Variants in GRIN2A observed in about 807,000 individuals in gnomAD.
The protein encoded by GRIN2A is glutamate ionotropic receptor NMDA type subunit 2A.
In GRIN2A, 22 loss-of-function variants were observed where a neutral mutation model predicts 113.4. The observed-to-expected ratio is 0.19, with a 90% CI of 0.14 to 0.28. The LOEUF (loss-of-function observed/expected upper bound fraction) is 0.28. Ranked by LOEUF, GRIN2A falls within the 10% of genes least tolerant of loss-of-function variation. The probability of loss-of-function intolerance (pLI) is 1.00; values close to 1 mark genes in which losing one functional copy is unlikely to be tolerated. For missense variants in GRIN2A, 1,502 were observed against 1,887.0 expected (o/e 0.80, Z 3.78); for synonymous variants, 827 against 738.4 (o/e 1.12, Z -1.94).
intron 11 of GRIN2A, among the ~76,000 whole-genome samples, chr16:9,785,194 G>A (rs1353196153): frequency 2.0e-5 from 3 of 151,968 alleles, no homozygotes; most frequent in African/African-American, 7.3e-5. Flanking sequence ...CAACCTAAAT[G>A]TCCAACAATG....
At chr16:10,081,354 CTA>C (rs1472515836) in intron 2 of GRIN2A, among the ~76,000 whole-genome samples, 1 of 152,224 alleles carries the variant, frequency 6.6e-6, no homozygotes, top group Non-Finnish European at 1.5e-5. Flanking sequence ...GCTTGTGCTT[CTA>C]AGTTCTGCTC....
At chr16:9,972,831 G>C (rs1353437803) in intron 2 of GRIN2A, among the ~76,000 whole-genome samples, 2 of 152,202 alleles carry the variant, frequency 1.3e-5, no homozygotes, top group Non-Finnish European at 2.9e-5. Context: ...AATTGCAATA[G>C]AGAAAGAGTA....
intron 2 of GRIN2A, among the ~76,000 whole-genome samples, chr16:10,071,486 C>G (rs951790012): frequency 7.2e-5 from 11 of 152,192 alleles, no homozygotes; most frequent in African/African-American, 2.7e-4. Flanking sequence ...ATGTAAGTCC[C>G]TTCTTCACCC....
At chr16:10,137,522 T>G (rs1173157256) in intron 2 of GRIN2A, among the ~76,000 whole-genome samples, 1 of 152,182 alleles carries the variant, frequency 6.6e-6, no homozygotes, top group East Asian at 1.9e-4. Flanking sequence ...CTTCCTTAGC[T>G]ACTTACAAAA....
Position 10,180,072 on chromosome 16 carries a change from C to G in GRIN2A, c.340G>C (p.Asp114His), listed in dbSNP as rs2142388108. ...ACGAAGGTGTGGGAGGAGATAAAATCCAGCATCTGGGCTACGGCCTCCTGG... is the reference window on the plus strand; with the variant it reads ...ACGAAGGTGTGGGAGGAGATAAAATGCAGCATCTGGGCTACGGCCTCCTGG... ...TDQEAVAQML[D>H]FISSHTFVPI... Residue 114 changes from aspartate to histidine, a missense_variant, in exon 2 of 13, where the codon GAT becomes CAT. This residue lies in a region of GRIN2A where 149 missense variants were observed against 179.1 expected (regional missense o/e 0.83). Transcript: ENST00000330684. This position sits in a 1 kb window ranked among gnomAD's most constrained non-coding sequence, Gnocchi z 7.0. The G allele has an allele frequency of 6.2e-7, 1 of 1,614,168 alleles. No homozygotes were observed. Among genetic ancestry groups the G allele is most frequent in the East Asian group, 2.2e-5 (1 of 44,876 alleles).
chr16:10,076,041 A>T (rs1018226484), intron 2 of GRIN2A, among the ~76,000 whole-genome samples: 1 of 152,096 alleles, frequency 6.6e-6, no homozygotes, highest in Non-Finnish European at 1.5e-5. Flanking sequence ...AAGAGTGAAA[A>T]ATGCGCCCAT....
chr16:9,784,565 G>A (rs1210495979), intron 11 of GRIN2A, among the ~76,000 whole-genome samples: 4 of 151,960 alleles, frequency 2.6e-5, no homozygotes, highest in Non-Finnish European at 5.9e-5. Context: ...AAAAGCAATG[G>A]CAACAAAAGC....
At chr16:10,112,217 G>A (rs997067035) in intron 2 of GRIN2A, 44 of 599,854 alleles carry the variant, frequency 7.3e-5, no homozygotes, top group South Asian at 3.9e-4. Flanking sequence ...AAGGGAACTC[G>A]GTGTATCAAA....
chr16:9,775,479 C>G (rs1046844364), intron 11 of GRIN2A, among the ~76,000 whole-genome samples: 7 of 152,150 alleles, frequency 4.6e-5, no homozygotes, highest in African/African-American at 1.4e-4. Context: ...AGTCTTTGGC[C>G]TCTAAGAGCT....
At chr16:9,811,954 T>C (rs1156872990) in intron 10 of GRIN2A, among the ~76,000 whole-genome samples, 1 of 152,112 alleles carries the variant, frequency 6.6e-6, no homozygotes, top group African/African-American at 2.4e-5. Flanking sequence ...CTTATCTCAA[T>C]GGAAGAAGAA....
chr16:10,046,726 T>C (rs1468152607), intron 2 of GRIN2A, among the ~76,000 whole-genome samples: 1 of 152,152 alleles, frequency 6.6e-6, no homozygotes, highest in Admixed American at 6.5e-5. Context: ...TTTGAGATTG[T>C]GTAATGGTCA....
intron 2 of GRIN2A, among the ~76,000 whole-genome samples, chr16:10,159,791 T>A (rs772696546): frequency 6.6e-6 from 1 of 152,192 alleles, no homozygotes; most frequent in Non-Finnish European, 1.5e-5. Context: ...AAGCTCAAAT[T>A]CCATCCCAGA....
At chr16:9,801,752 G>C (rs1396504959) in intron 10 of GRIN2A, among the ~76,000 whole-genome samples, 1 of 152,208 alleles carries the variant, frequency 6.6e-6, no homozygotes, top group African/African-American at 2.4e-5. Context: ...TGGCATGACT[G>C]GGGTGGGCTG....
chr16:10,123,446 C>T (rs2048870391), intron 2 of GRIN2A, among the ~76,000 whole-genome samples: 1 of 152,140 alleles, frequency 6.6e-6, no homozygotes, highest in Non-Finnish European at 1.5e-5. Context: ...GGAACAGCTC[C>T]TCGTTGATGC....
chr16:9,946,034 G>C (rs1423810165), intron 2 of GRIN2A, among the ~76,000 whole-genome samples: 1 of 152,114 alleles, frequency 6.6e-6, no homozygotes, highest in East Asian at 1.9e-4. Context: ...TCTCGTTGCA[G>C]CTGATTTAGG....
chr16:10,160,436 C>T (rs1195396122), intron 2 of GRIN2A, among the ~76,000 whole-genome samples: 8 of 152,194 alleles, frequency 5.3e-5, no homozygotes, highest in Admixed American at 5.2e-4. Flanking sequence ...GCAAGTACCC[C>T]AGACCTGGCT....
intron 2 of GRIN2A, among the ~76,000 whole-genome samples, chr16:10,131,054 A>G (rs1195930915): frequency 6.6e-6 from 1 of 152,224 alleles, no homozygotes; most frequent in Non-Finnish European, 1.5e-5. Context: ...TTTGTTAGAA[A>G]AGCACTTAAA....
At chr16:9,797,563 G>A (rs1343959034) in intron 11 of GRIN2A, among the ~76,000 whole-genome samples, 1 of 152,104 alleles carries the variant, frequency 6.6e-6, no homozygotes, top group Admixed American at 6.5e-5. Context: ...TTCCTCCACG[G>A]GATAAGAACA....
At chr16:9,903,199 G>A (rs976391517) in intron 3 of GRIN2A, among the ~76,000 whole-genome samples, 3 of 152,110 alleles carry the variant, frequency 2.0e-5, no homozygotes, top group South Asian at 4.1e-4. Context: ...TCAATCTCCT[G>A]ACCTCATGAT....
Sources: gnomAD v4.1 joint callset for allele counts (sites outside exome capture counted in the v4.1 genomes callset) on GRCh38, gnomAD v4.1.1 for gene constraint, gnomAD v4.1.1 regional missense constraint, Gnocchi (gnomAD v3.1) non-coding constraint, MANE v1.5 for transcripts, NCBI Gene and HGNC (gene_info 2026-07-23, HGNC 2026-07-21) for gene names.